IRS2: variants seen among roughly 807,000 people sequenced by gnomAD.
IRS2 encodes the protein insulin receptor substrate 2.
Under a neutral mutation model 70.9 loss-of-function variants are expected in IRS2, and 28 were observed. The observed-to-expected ratio is 0.39, with a 90% confidence interval of 0.29 to 0.54. The LOEUF is 0.54. Ranked by LOEUF, IRS2 falls within the 20% of genes least tolerant of loss-of-function variation. The probability of loss-of-function intolerance (pLI) is 0.59; values close to 1 mark genes in which losing one functional copy is unlikely to be tolerated. For synonymous variants in IRS2, 1,217 were observed against 981.9 expected, an observed-to-expected ratio of 1.24 and a Z score of -4.48; for missense variants, 2,081 against 2,024.1, an observed-to-expected ratio of 1.03 and a Z score of -0.54.
chr13:109,763,678 C>T (rs934212748), intron 1 of IRS2, among the ~76,000 whole-genome samples: 8 of 152,180 alleles, frequency 5.3e-5, no homozygotes, highest in Non-Finnish European at 7.4e-5. Flanking sequence ...AGCCAATGAA[C>T]GACGTAATTC....
At chr13:109,769,574 T>C (rs1877408440) in intron 1 of IRS2, among the ~76,000 whole-genome samples, 1 of 152,162 alleles carries the variant, frequency 6.6e-6, no homozygotes, top group Non-Finnish European at 1.5e-5. Context: ...GTTGCTTGGC[T>C]CAAATTTCCT....
Position 109,783,675 on chromosome 13 carries a change from C to G in IRS2, c.2379G>C (p.Glu793Asp), listed in dbSNP as rs1161729235. Residue 793 changes from glutamate to aspartate, a missense_variant, in exon 1 of 2, where the codon GAG becomes GAC. Physicochemically the swap from Glu to Asp is conservative, Grantham distance 45. Around this residue, in one of 4 missense-constraint regions of IRS2, gnomAD observed 1,615 missense variants for 1,459.5 expected, o/e 1.11. Coordinates refer to ENST00000375856, the MANE Select transcript of IRS2 (RefSeq NM_003749.3). ...FFSAALHPGG[E>D]PLRGVPGCCY... ...AGCAGCCGGGAACGCCCCTGAGCGG[C>G]TCCCCGCCGGGGTGCAGGGCTGCGG... The G allele has an allele frequency of 8.3e-6, 13 of 1,557,986 alleles. No homozygotes were observed. The highest frequency in any genetic ancestry group is 1.1e-5 in the Non-Finnish European group (13 of 1,151,048).
At chr13:109,769,034 C>A (rs1273871337) in intron 1 of IRS2, among the ~76,000 whole-genome samples, 1 of 152,214 alleles carries the variant, frequency 6.6e-6, no homozygotes, top group African/African-American at 2.4e-5. Context: ...TCCATGATTA[C>A]AAACTTGTGC....
chr13:109,775,238 C>T (rs540141270), intron 1 of IRS2, among the ~76,000 whole-genome samples: 9 of 151,784 alleles, frequency 5.9e-5, no homozygotes, highest in African/African-American at 2.2e-4. Flanking sequence ...CCTGCCTCAG[C>T]CTCCTGAGTA....
chr13:109,783,036 C>T lies in IRS2; in HGVS notation c.3018G>A (p.Leu1006=). Residue 1006 remains leucine (L), a synonymous_variant, in exon 1 of 2, where the codon CTG becomes CTA. Transcript: ENST00000375856. Reference sequence around the variant, plus strand: ...GATACGGGGAGGAGGCCTCGGGGGACAGGAGGCCGTCCAAGGAGCCCACGG... The same window carrying T: ...GATACGGGGAGGAGGCCTCGGGGGATAGGAGGCCGTCCAAGGAGCCCACGG... ...GHPVGSLDGL[L]SPEASSPYPP... 1.5e-6 allele frequency: 2 copies of T among 1,366,510 alleles called. No individual in the cohort carries two copies. The highest frequency in any genetic ancestry group is 1.9e-6 in the Non-Finnish European group (2 of 1,065,196). 84.6% of individuals were successfully genotyped at this position (1,366,510 alleles called of 1,614,324 possible).
At chr13:109,759,508 G>T (rs895684592) in intron 1 of IRS2, among the ~76,000 whole-genome samples, 4 of 152,198 alleles carry the variant, frequency 2.6e-5, no homozygotes, top group Non-Finnish European at 4.4e-5. Flanking sequence ...CAGAGGGATT[G>T]GGATACAACA....
chr13:109,768,650 G>A (rs951307186), intron 1 of IRS2, among the ~76,000 whole-genome samples: 19 of 152,186 alleles, frequency 1.2e-4, no homozygotes, highest in African/African-American at 4.6e-4. Flanking sequence ...GGGGCATCCC[G>A]CCTCAAGGCA....
rs550183825 is a variant in IRS2 at position 109,757,645 on chromosome 13, C to T, written c.4013-1337G>A. Among the ~76,000 whole-genome samples the T allele has an allele frequency of 1.7e-4, 26 of 152,230 alleles. No individual in the cohort carries two copies. In the East Asian group the frequency reaches 2.3e-3, roughly 14 times the overall value. ...GGACATTTTAAAATTCCCTACAACG[C>T]GACATTCTGAGGCTGTTTTATCTAT... On this transcript the variant is annotated intron_variant, in intron 1 of 1. Coordinates refer to ENST00000375856, the MANE Select transcript of IRS2 (RefSeq NM_003749.3).
At chr13:109,780,286 T>A (rs1184097480) in intron 1 of IRS2, among the ~76,000 whole-genome samples, 2 of 152,260 alleles carry the variant, frequency 1.3e-5, no homozygotes. Flanking sequence ...CTGCTGCTGC[T>A]GCTGCTGTGT....
Position 109,784,903 on chromosome 13 carries a change from G to A in IRS2, c.1151C>T (p.Ser384Leu), listed in dbSNP as rs1230152470. The A allele has an allele frequency of 4.7e-6, 5 of 1,071,588 alleles. No homozygotes were observed. The highest frequency in any genetic ancestry group is 1.7e-5 in the African/African-American group (1 of 58,940). 66.4% of individuals were successfully genotyped at this position (1,071,588 alleles called of 1,614,324 possible). The change falls in exon 1 of 2, where the codon TCG becomes TTG. Residue 384 changes from serine to leucine, a missense_variant. This residue lies in a region of IRS2 where 1,615 missense variants were observed against 1,459.5 expected (regional missense o/e 1.11). Transcript: ENST00000375856. This position sits in a 1 kb window ranked among gnomAD's most constrained non-coding sequence, Gnocchi z 5.2. ...GGGGCTCAGGGGGCTCCCAGCCACCGACACCGGCCTGGCGCCCGCGGCCGC... is the reference window on the plus strand; with the variant it reads ...GGGGCTCAGGGGGCTCCCAGCCACCAACACCGGCCTGGCGCCCGCGGCCGC... Reference protein sequence around the residue: ...GAAAAGARPVSVAGSPLSPGP... With the variant: ...GAAAAGARPVLVAGSPLSPGP...
chr13:109,782,559 G>A lies in IRS2; in HGVS notation c.3495C>T (p.Phe1165=), dbSNP rs1877742289. The A allele has an allele frequency of 3.2e-6, 5 of 1,565,942 alleles. No individual in the cohort carries two copies. Among genetic ancestry groups the A allele is most frequent in the Non-Finnish European group, 3.5e-6 (4 of 1,155,644 alleles). Residue 1165 remains phenylalanine (F), a synonymous_variant, in exon 1 of 2, where the codon TTC becomes TTT. Coordinates refer to ENST00000375856, the MANE Select transcript of IRS2 (RefSeq NM_003749.3). ...AGTTGTGGCGCTTGGGGTTGTGGGC[G>A]AAGGACGGGGACACGGGGGTGACCG... ...TTTVTPVSPS[F]AHNPKRHNSA... is the part of the protein sequence containing the mutation.
chr13:109,762,779 G>A (rs562967970), intron 1 of IRS2, among the ~76,000 whole-genome samples: 27 of 152,254 alleles, frequency 1.8e-4, no homozygotes, highest in African/African-American at 5.8e-4. Flanking sequence ...AAATTGAAGC[G>A]AAAACCCCAT....
chr13:109,785,757 C>T lies in IRS2; in HGVS notation c.297G>A (p.Leu99=), dbSNP rs758142028. The change falls in exon 1 of 2, where the codon CTG becomes CTA. Residue 99 remains leucine (L), a synonymous_variant. Coordinates refer to ENST00000375856, the MANE Select transcript of IRS2 (RefSeq NM_003749.3). This position sits in a 1 kb window ranked among gnomAD's most constrained non-coding sequence, Gnocchi z 9.3. ...TGGCGTCGGCGCGCTTGTTGATGTTCAGGCAGCAGTCGAGAGCGATCACCC... is the reference window on the plus strand; with the variant it reads ...TGGCGTCGGCGCGCTTGTTGATGTTTAGGCAGCAGTCGAGAGCGATCACCC... The part of the protein sequence containing the change: ...PKRVIALDCC[L]NINKRADAKH... 74 of 1,595,248 alleles carry T rather than the reference C, an allele frequency of 4.6e-5. No individual in the cohort carries two copies. The Admixed American group carries it at 1.2e-3, about 25-fold the overall frequency.
rs762449445 is a variant in IRS2, at chr13:109,758,921, AAAG to A, written c.4013-2616_4013-2614del. On this transcript the variant is annotated intron_variant, in intron 1 of 1. Transcript: ENST00000375856. ...AGAGGAAGGGGAAGGAAAGAAAAAA[AAAG>A]AAGGAGGGAGGAAGGGGAAAGGGAA... Among the ~76,000 whole-genome samples the A allele has an allele frequency of 4.3e-3, 648 of 151,740 alleles. 10 individuals carry two copies. Among genetic ancestry groups the A allele is most frequent in the Admixed American group, 0.023 (350 of 15,224 alleles).
intron 1 of IRS2, among the ~76,000 whole-genome samples, chr13:109,764,815 G>T (rs995435373): frequency 6.6e-6 from 1 of 152,206 alleles, no homozygotes; most frequent in Non-Finnish European, 1.5e-5. Flanking sequence ...AACAACTGCC[G>T]AATGCACAAA....
At chr13:109,763,950 C>A (rs971830431) in intron 1 of IRS2, among the ~76,000 whole-genome samples, 13 of 152,122 alleles carry the variant, frequency 8.5e-5, no homozygotes, top group African/African-American at 2.9e-4. Context: ...ATCCCCCCTC[C>A]TCGGTCTATA....
In IRS2 at chr13:109,784,621, C is replaced by T. The variant is rs1172165404; in HGVS notation, c.1433G>A (p.Gly478Asp). 6 of 1,336,040 alleles carry T rather than the reference C, an allele frequency of 4.5e-6. No homozygotes were observed. The highest frequency in any genetic ancestry group is 5.7e-6 in the Non-Finnish European group (6 of 1,049,060). 82.8% of individuals were successfully genotyped at this position (1,336,040 alleles called of 1,614,324 possible). A position where few individuals can be genotyped will look rare whatever the true frequency, so the allele number is the denominator to read the frequency against. Residue 478 changes from glycine (G) to aspartate (D), a missense_variant, in exon 1 of 2, where the codon GGC (glycine) becomes GAC (aspartate). By Grantham distance (94) the Gly-to-Asp change is moderately conservative (BLOSUM62 -1). Coordinates refer to ENST00000375856, the MANE Select transcript of IRS2 (RefSeq NM_003749.3). This position sits in a 1 kb window ranked among gnomAD's most constrained non-coding sequence, Gnocchi z 5.2. ...GGCGCTGCCGCTGGAGGGCCGCTGGCCGGGGCCGTGGTGCAGCGGATGCGG... is the reference window on the plus strand; with the variant it reads ...GGCGCTGCCGCTGGAGGGCCGCTGGTCGGGGCCGTGGTGCAGCGGATGCGG... Reference protein sequence around the residue: ...PLPHPLHHGPGQRPSSGSASA... With the variant: ...PLPHPLHHGPDQRPSSGSASA...
rs1257813040 is a variant in IRS2 at position 109,782,973 on chromosome 13, C to A, written c.3081G>T (p.Ser1027=). The part of the protein sequence containing the change: ...LPPRPSASPS[S]SLQPPPPPPA... ...GCGGCGGTGGCGGCGGCTGCAGAGA[C>A]GACGACGGGGACGCGGACGGACGCG... Residue 1027 remains serine (S), a synonymous_variant, in exon 1 of 2, where the codon TCG becomes TCT. Transcript: ENST00000375856. 8.5e-6 allele frequency: 12 copies of A among 1,408,080 alleles called. No individual in the cohort carries two copies. In the Admixed American group the frequency reaches 3.8e-4, roughly 45 times the overall value. 87.2% of individuals were successfully genotyped at this position (1,408,080 alleles called of 1,614,324 possible).
At chr13:109,759,907 G>A (rs927111915) in intron 1 of IRS2, among the ~76,000 whole-genome samples, 4 of 152,148 alleles carry the variant, frequency 2.6e-5, no homozygotes, top group Admixed American at 2.6e-4. Flanking sequence ...GAAGAAGAAA[G>A]CTGGAAAACA....
Sources: gnomAD v4.1 joint callset for allele counts (sites outside exome capture counted in the v4.1 genomes callset) on GRCh38, gnomAD v4.1.1 for gene constraint, gnomAD v4.1.1 regional missense constraint, Gnocchi (gnomAD v3.1) non-coding constraint, MANE v1.5 for transcripts, NCBI Gene and HGNC (gene_info 2026-07-23, HGNC 2026-07-21) for gene names.